The following IQANK1 variants were observed in gnomAD, a reference collection of about 807,000 sequenced individuals.
IQANK1 encodes IQ motif and ankyrin repeat containing 1.
Under a neutral mutation model 22.6 loss-of-function variants are expected in IQANK1, and 30 were observed. The observed-to-expected ratio is 1.33, with a 90% CI of 0.99 to 1.80. IQANK1 has a LOEUF of 1.80. IQANK1 is among the 40% of genes most tolerant of loss of function. The pLI is 0.00. For synonymous variants in IQANK1, 122 were observed against 99.6 expected, an observed-to-expected ratio of 1.23 and a Z score of -1.34; for missense variants, 275 against 235.2, an observed-to-expected ratio of 1.17 and a Z score of -1.11.
chr8:143,743,391 C>T (rs1232083397), intron 3 of IQANK1, among the ~76,000 whole-genome samples: 2 of 152,146 alleles, frequency 1.3e-5, no homozygotes, highest in Non-Finnish European at 2.9e-5. Context: ...TGTGCTCCCA[C>T]GTCTGGCAAG....
At chr8:143,765,356 C>CAA (rs576776825) in intron 3 of IQANK1, among the ~76,000 whole-genome samples, 9 of 142,430 alleles carry the variant, frequency 6.3e-5, no homozygotes, top group African/African-American at 2.1e-4. Flanking sequence ...GACCTTGTCT[C>CAA]AAAAAAAAAA....
At chr8:143,781,296 C>A (rs570326196) in intron 7 of IQANK1, among the ~76,000 whole-genome samples, 2 of 152,284 alleles carry the variant, frequency 1.3e-5, no homozygotes. Context: ...CTGATAGTTT[C>A]TTTTGCTATG....
At chr8:143,748,718 CATAT>C (rs1176520209) in intron 3 of IQANK1, among the ~76,000 whole-genome samples, 156 of 97,588 alleles carry the variant, frequency 1.6e-3, no homozygotes, top group East Asian at 3.5e-3. Flanking sequence ...AAATATATAT[CATAT>C]ATATCATATA....
At chr8:143,743,976 G>A (rs1554626976) in intron 3 of IQANK1, 1 of 342,900 alleles carries the variant, frequency 2.9e-6, no homozygotes, top group East Asian at 9.6e-5. Flanking sequence ...TGGGACTACA[G>A]GCACCCACCA....
intron 3 of IQANK1, among the ~76,000 whole-genome samples, chr8:143,761,937 GGATA>G (rs1819405083): frequency 6.6e-6 from 1 of 151,788 alleles, no homozygotes; most frequent in Non-Finnish European, 1.5e-5. Flanking sequence ...AAGGAGAGTG[GGATA>G]GATATTGTAT....
chr8:143,777,289 G>T (rs1228997471), intron 7 of IQANK1, among the ~76,000 whole-genome samples: 1 of 151,996 alleles, frequency 6.6e-6, no homozygotes, highest in Non-Finnish European at 1.5e-5. Flanking sequence ...GCTGAGGTGC[G>T]TAGATCACCT....
chr8:143,766,119 G>A (rs560424676), intron 3 of IQANK1, among the ~76,000 whole-genome samples: 4 of 152,276 alleles, frequency 2.6e-5, no homozygotes, highest in African/African-American at 9.6e-5. Flanking sequence ...GGTATTAGGT[G>A]AGGTTTTAGA....
At chr8:143,743,535 G>A (rs545977504) in intron 3 of IQANK1, among the ~76,000 whole-genome samples, 74 of 152,308 alleles carry the variant, frequency 4.9e-4, no homozygotes, top group African/African-American at 1.4e-3. Flanking sequence ...CACCTCGAGA[G>A]TGCATCTTTG....
chr8:143,787,334 G>A (rs1819909512), intron 7 of IQANK1, among the ~76,000 whole-genome samples: 1 of 152,294 alleles, frequency 6.6e-6, no homozygotes, highest in East Asian at 1.9e-4. Context: ...TGGTTAGCCT[G>A]TGGATCCATC....
chr8:143,740,175 C>T (rs896920757), intron 3 of IQANK1, among the ~76,000 whole-genome samples: 1 of 152,118 alleles, frequency 6.6e-6, no homozygotes, highest in Non-Finnish European at 1.5e-5. Flanking sequence ...TCGCCCACCT[C>T]CTGGTGCTCC....
intron 3 of IQANK1, among the ~76,000 whole-genome samples, chr8:143,756,468 G>A (rs781803939): frequency 4.6e-5 from 7 of 152,054 alleles, no homozygotes; most frequent in Non-Finnish European, 8.8e-5. Context: ...CATCTGAGCC[G>A]CCAGGACCTT....
intron 3 of IQANK1, among the ~76,000 whole-genome samples, chr8:143,740,929 C>T (rs1356957443): frequency 6.6e-6 from 1 of 152,210 alleles, no homozygotes; most frequent in Non-Finnish European, 1.5e-5. Context: ...TGTCCAGTAG[C>T]TGGGGATTTG....
Position 143,735,787 on chromosome 8 carries a change from A to C in IQANK1, c.-4-63A>C, listed in dbSNP as rs1259590486. On this transcript the variant is annotated intron_variant, in intron 1 of 13. Coordinates refer to ENST00000527139, the MANE Select transcript of IQANK1 (RefSeq NM_001381874.1). This position sits in a 1 kb window ranked among gnomAD's most constrained non-coding sequence, Gnocchi z 5.2. ...ATGGTGTGCCCTGTTCCCCACTGCC[A>C]CTGCCCCTGCCCTCTGCCACTCTGA... 6 of 697,576 alleles carry C rather than the reference A, an allele frequency of 8.6e-6. No homozygotes were observed. Among genetic ancestry groups the C allele is most frequent in the Non-Finnish European group, 1.6e-5 (6 of 382,094 alleles). The allele number at this position is 697,576 out of a possible 1,614,324, so 43.2% of individuals were successfully genotyped here.
In IQANK1 at chr8:143,771,390, CGGGGCG is replaced by C. The variant is rs1276210475; in HGVS notation, c.176-82_176-77del. The stretch of plus-strand genomic sequence containing the variant: ...TTGAGAGCCGTTTGGGTCCTTCTGT[CGGGGCG>C]GGGGCGGGGGCGGGGCCGGCTCCAC... On this transcript the variant is annotated intron_variant, in intron 3 of 13. Transcript: ENST00000527139. The surrounding 1 kb of genome is among the most constrained non-coding windows in gnomAD (Gnocchi z 6.0). 8.4e-4 allele frequency: 284 copies of C among 338,620 alleles called. 1 individual carries two copies. The highest frequency in any genetic ancestry group is 1.4e-3 in the Middle Eastern group (2 of 1,464). The allele number at this position is 338,620 out of a possible 1,614,324, so 21.0% of individuals were successfully genotyped here. A position where few individuals can be genotyped will look rare whatever the true frequency, so the allele number is the denominator to read the frequency against.
At chr8:143,762,439 A>C (rs1554628942) in intron 3 of IQANK1, among the ~76,000 whole-genome samples, 2 of 152,226 alleles carry the variant, frequency 1.3e-5, no homozygotes, top group African/African-American at 4.8e-5. Context: ...AGCTGTGCCC[A>C]TCTGCCAGGC....
In IQANK1 at chr8:143,735,877, C is replaced by CA. The variant is rs1198912404; in HGVS notation, c.27dup (p.Ala10SerfsTer43). On this transcript the variant is annotated frameshift_variant, in exon 2 of 14. Coordinates refer to ENST00000527139, the MANE Select transcript of IQANK1 (RefSeq NM_001381874.1). LOFTEE classifies it high-confidence loss of function. The surrounding 1 kb of genome is among the most constrained non-coding windows in gnomAD (Gnocchi z 5.2). ...GAATGGACAGTAAGAAGGGGAGACCCAAAGCTGCAGCTGGGAAGTGGCAGA... is the reference window on the plus strand; with the variant it reads ...GAATGGACAGTAAGAAGGGGAGACCCAAAAGCTGCAGCTGGGAAGTGGCAGA... 56 of 702,522 alleles carry CA rather than the reference C, an allele frequency of 8.0e-5. No homozygotes were observed. Among genetic ancestry groups the CA allele is most frequent in the Non-Finnish European group, 1.2e-4 (48 of 384,930 alleles). 43.5% of individuals were successfully genotyped at this position (702,522 alleles called of 1,614,324 possible).
At chr8:143,755,404 C>T (rs561701774) in intron 3 of IQANK1, among the ~76,000 whole-genome samples, 1 of 152,070 alleles carries the variant, frequency 6.6e-6, no homozygotes. Flanking sequence ...TTGCTCTGTC[C>T]CCAGGCTGGA....
chr8:143,753,786 G>A (rs1430065021), intron 3 of IQANK1, among the ~76,000 whole-genome samples: 4 of 152,048 alleles, frequency 2.6e-5, no homozygotes, highest in Non-Finnish European at 5.9e-5. Flanking sequence ...ATTTATTTTT[G>A]TTTTCCTTTG....
At chr8:143,738,421 G>A (rs558663818) in intron 2 of IQANK1, among the ~76,000 whole-genome samples, 1 of 152,296 alleles carries the variant, frequency 6.6e-6, no homozygotes, top group Admixed American at 6.5e-5. Context: ...CCGCAGCTCG[G>A]GACTCTGGCT....
Sources: allele counts gnomAD v4.1 joint callset (sites outside exome capture counted in the v4.1 genomes callset), GRCh38; gene constraint gnomAD v4.1.1; non-coding constraint Gnocchi (gnomAD v3.1); transcripts MANE v1.5; gene names NCBI Gene and HGNC (gene_info 2026-07-23, HGNC 2026-07-21).